ARL3: variants seen among roughly 807,000 people sequenced by gnomAD.
ARL3 encodes the protein ADP-ribosylation factor-like protein 3.
In ARL3, 9 loss-of-function variants were observed where a neutral mutation model predicts 26.0. The ratio of observed to expected loss-of-function variants is 0.35; its 90% CI spans 0.21 to 0.60. ARL3 has a LOEUF of 0.60. Among genes scored for constraint, ARL3 ranks in the 20% least tolerant of loss-of-function variants. ARL3 has a pLI of 0.78. For missense variants in ARL3, 158 were observed against 215.7 expected, an observed-to-expected ratio of 0.73 and a Z score of 1.67; for synonymous variants, 71 against 78.4, an observed-to-expected ratio of 0.91 and a Z score of 0.50.
rs2064132715 is a variant in ARL3 at position 102,676,759 on chromosome 10, A to G, written c.*135T>C. 1.2e-6 allele frequency: 1 copy of G among 839,442 alleles called. No homozygotes were observed. The highest frequency in any genetic ancestry group is 1.7e-5 in the African/African-American group (1 of 59,244). The allele number at this position is 839,442 out of a possible 1,614,324, so 52.0% of individuals were successfully genotyped here. On this transcript the variant is annotated 3_prime_UTR_variant, in exon 6 of 6. Coordinates refer to ENST00000260746, the MANE Select transcript of ARL3 (RefSeq NM_004311.4). ...CTGCTGGAATGGGGATTCTTTCTAA[A>G]CCGTGTTGTTCCCTCTCTTCAAACA...
At chr10:102,689,636 A>G (rs1015011609) in intron 4 of ARL3, among the ~76,000 whole-genome samples, 1 of 152,132 alleles carries the variant, frequency 6.6e-6, no homozygotes, top group Non-Finnish European at 1.5e-5. Context: ...GTTCAAGACC[A>G]GCCTGACCAA....
At chr10:102,705,226 TAG>T (rs2064302981) in intron 2 of ARL3, 118 bp downstream of exon 2, 2 of 1,245,058 alleles carry the variant, frequency 1.6e-6, no homozygotes, top group Middle Eastern at 3.0e-4. Context: ...TTAGATTGTA[TAG>T]ACTTTTCTCA....
At chr10:102,696,283 T>G (rs1254041208) in intron 3 of ARL3, among the ~76,000 whole-genome samples, 2 of 147,168 alleles carry the variant, frequency 1.4e-5, no homozygotes, top group African/African-American at 5.0e-5. Flanking sequence ...TTTTTTTTTT[T>G]GAGACGGAGT....
intron 5 of ARL3, among the ~76,000 whole-genome samples, chr10:102,677,567 C>T (rs2064136412): frequency 6.6e-6 from 1 of 152,200 alleles, no homozygotes; most frequent in South Asian, 2.1e-4. Context: ...CTTAAAGGCA[C>T]AATGACCTTG....
chr10:102,701,655 G>A (rs936419295), intron 2 of ARL3, among the ~76,000 whole-genome samples: 23 of 152,094 alleles, frequency 1.5e-4, no homozygotes, highest in African/African-American at 5.3e-4. Context: ...AATCCTTTCT[G>A]GAATAAAGCA....
rs57721161 is a variant in ARL3, at chr10:102,703,425, CTTTTTTTTTTTTTTTT to C, written c.147+1905_147+1920del. On this transcript the variant is annotated intron_variant, in intron 2 of 5. Coordinates refer to ENST00000260746, the MANE Select transcript of ARL3 (RefSeq NM_004311.4). ...ATGAGCCATGGTGCCCAGGACTTGT[CTTTTTTTTTTTTTTTT>C]TTTTTTTTTTTTTTTTTTTTGTGAT... Among the ~76,000 whole-genome samples the C allele has an allele frequency of 1.3e-3, 63 of 48,484 alleles. 1 individual carries two copies. The highest frequency in any genetic ancestry group is 1.9e-3 in the African/African-American group (23 of 11,904). 31.8% of individuals were successfully genotyped at this position (48,484 alleles called of 152,430 possible).
At position 102,702,654 on chromosome 10, in the gene ARL3, AC is replaced by A. The variant is rs1184312902; in HGVS notation, c.147+2691del. Among the ~76,000 whole-genome samples the A allele has an allele frequency of 3.3e-5, 5 of 152,276 alleles. No individual in the cohort carries two copies. In the East Asian group the frequency reaches 9.6e-4, roughly 29 times the overall value. ...TAATACTAAAAAAACAAAAACAAAA[AC>A]AAAAAAACCCCACAAGCGCATGCAC... On this transcript the variant is annotated intron_variant, in intron 2 of 5. Coordinates refer to ENST00000260746, the MANE Select transcript of ARL3 (RefSeq NM_004311.4).
chr10:102,693,204 A>G (rs925496717), intron 3 of ARL3, among the ~76,000 whole-genome samples: 3 of 152,198 alleles, frequency 2.0e-5, no homozygotes, highest in Non-Finnish European at 4.4e-5. Context: ...AACTGGGTAT[A>G]TATCTTGGAG....
At chr10:102,705,614 T>C (rs1564733620) in intron 1 of ARL3, 125 bp from the exon 2 acceptor site, 8 of 1,029,650 alleles carry the variant, frequency 7.8e-6, no homozygotes, top group Non-Finnish European at 1.0e-5. Flanking sequence ...TTATTTTTCA[T>C]TCTAATGCCA....
intron 1 of ARL3, among the ~76,000 whole-genome samples, chr10:102,706,939 T>G (rs1160807636): frequency 1.3e-5 from 2 of 151,202 alleles, no homozygotes; most frequent in Admixed American, 6.6e-5. Context: ...CCCAAAGTGC[T>G]GGGATTACAG....
intron 3 of ARL3, among the ~76,000 whole-genome samples, chr10:102,694,048 T>C (rs2064234369): frequency 6.6e-6 from 1 of 152,092 alleles, no homozygotes. Context: ...AGTGCAGTGG[T>C]GTGATCTCGG....
At chr10:102,695,860 C>T (rs1179669079) in intron 3 of ARL3, among the ~76,000 whole-genome samples, 1 of 151,472 alleles carries the variant, frequency 6.6e-6, no homozygotes, top group African/African-American at 2.4e-5. Flanking sequence ...TTGTTTTTTT[C>T]TGAATTAAAA....
Position 102,714,392 on chromosome 10 carries a change from C to G in ARL3, c.-117G>C. 2.7e-6 allele frequency: 3 copies of G among 1,100,684 alleles called. No individual in the cohort carries two copies. The highest frequency in any genetic ancestry group is 3.5e-6 in the Non-Finnish European group (3 of 853,916). 68.2% of individuals were successfully genotyped at this position (1,100,684 alleles called of 1,614,324 possible). On this transcript the variant is annotated 5_prime_UTR_variant, in exon 1 of 6. Transcript: ENST00000260746. ...CACGCACAGCTGAGGAGCTGAGCAGCAATACGGGGCGGGGTGCAGCTCCGC... is the reference window on the plus strand; with the variant it reads ...CACGCACAGCTGAGGAGCTGAGCAGGAATACGGGGCGGGGTGCAGCTCCGC...
At chr10:102,710,471 G>A (rs1751645979) in intron 1 of ARL3, among the ~76,000 whole-genome samples, 1 of 152,192 alleles carries the variant, frequency 6.6e-6, no homozygotes, top group African/African-American at 2.4e-5. Flanking sequence ...GTCAAATGAA[G>A]GGAGACAGCG....
intron 3 of ARL3, among the ~76,000 whole-genome samples, chr10:102,695,914 G>A (rs981343084): frequency 6.6e-6 from 1 of 151,192 alleles, no homozygotes; most frequent in Non-Finnish European, 1.5e-5. Context: ...TCTTATCTTA[G>A]AGAGAGTCTC....
intron 5 of ARL3, among the ~76,000 whole-genome samples, chr10:102,683,017 TAA>T (rs1249518495): frequency 1.3e-5 from 2 of 152,232 alleles, no homozygotes; most frequent in Admixed American, 6.5e-5. Context: ...ATTTTTCTAG[TAA>T]AGTCTTTCAG....
intron 1 of ARL3, among the ~76,000 whole-genome samples, chr10:102,710,270 A>G (rs889791971): frequency 6.6e-6 from 1 of 152,232 alleles, no homozygotes; most frequent in African/African-American, 2.4e-5. Flanking sequence ...ATACAGCATC[A>G]TATTAATCCA....
intron 3 of ARL3, among the ~76,000 whole-genome samples, chr10:102,697,747 G>A (rs2064256902): frequency 6.6e-6 from 1 of 152,138 alleles, no homozygotes; most frequent in South Asian, 2.1e-4. Context: ...AAATAGCAAT[G>A]GAGATTTAGG....
intron 2 of ARL3, among the ~76,000 whole-genome samples, chr10:102,699,955 G>C (rs1204207856): frequency 1.3e-5 from 2 of 152,168 alleles, no homozygotes; most frequent in Non-Finnish European, 2.9e-5. Flanking sequence ...GATTCTTCAA[G>C]AGCAGCTCAA....
Sources: allele counts gnomAD v4.1 joint callset (sites outside exome capture counted in the v4.1 genomes callset), GRCh38; gene constraint gnomAD v4.1.1; transcripts MANE v1.5; gene names NCBI Gene and HGNC (gene_info 2026-07-23, HGNC 2026-07-21).